Variants in RBFOX1 observed in about 807,000 individuals in gnomAD.
RBFOX1 encodes RNA binding protein fox-1 homolog 1.
A neutral mutation model predicts 57.7 loss-of-function variants in RBFOX1; 8 were observed. That is an observed-to-expected ratio of 0.14 (90% CI 0.08 to 0.25). The LOEUF (loss-of-function observed/expected upper bound fraction) is 0.25. RBFOX1 is among the 10% of genes least tolerant of loss of function. RBFOX1 has a pLI of 1.00. For missense variants in RBFOX1, 611 were observed against 548.5 expected (o/e 1.11, Z -1.14); for synonymous variants, 326 against 222.4 (o/e 1.47, Z -4.15).
chr16:6,519,218 C>G (rs1323410983), intron 2 of RBFOX1, among the ~76,000 whole-genome samples: 1 of 152,108 alleles, frequency 6.6e-6, no homozygotes, highest in Non-Finnish European at 1.5e-5. Context: ...CCTGCCCTGC[C>G]TACCACACTG....
At chr16:6,606,753 A>G (rs1171538129) in intron 2 of RBFOX1, among the ~76,000 whole-genome samples, 3 of 152,122 alleles carry the variant, frequency 2.0e-5, no homozygotes, top group Non-Finnish European at 4.4e-5. Flanking sequence ...TATCTGGTCT[A>G]TCATTGATGG....
rs1367670602 is a variant in RBFOX1, at chr16:7,504,740, TA to T, written c.28-13406del. Among the ~76,000 whole-genome samples the T allele has an allele frequency of 3.5e-3, 45 of 12,988 alleles. 1 individual carries two copies. Among genetic ancestry groups the T allele is most frequent in the African/African-American group, 9.9e-3 (37 of 3,736 alleles). The allele number at this position is 12,988 out of a possible 152,430, so 8.5% of individuals were successfully genotyped here. ...ATATATATATATATATATATATATA[TA>T]TATATATATATATTTATATATATAT... is the stretch of plus-strand genomic sequence containing the variant. On this transcript the variant is annotated intron_variant, in intron 4 of 15. Transcript: ENST00000550418.
intron 3 of RBFOX1, among the ~76,000 whole-genome samples, chr16:5,671,973 AT>A (rs1251449090): frequency 6.6e-6 from 1 of 152,216 alleles, no homozygotes; most frequent in Non-Finnish European, 1.5e-5. Flanking sequence ...GTGATGAAGA[AT>A]AAAAGCCTGT....
chr16:6,911,792 T>A (rs899274257), intron 3 of RBFOX1, among the ~76,000 whole-genome samples: 1 of 152,198 alleles, frequency 6.6e-6, no homozygotes, highest in African/African-American at 2.4e-5. Flanking sequence ...ATAGAAGAGA[T>A]CTATTTTTTC....
chr16:5,491,369 T>A (rs944619858), intron 2 of RBFOX1, among the ~76,000 whole-genome samples: 7 of 152,160 alleles, frequency 4.6e-5, no homozygotes, highest in Admixed American at 1.3e-4. Context: ...GTTTGGAAAT[T>A]CCTATCAATG....
chr16:7,440,265 A>G (rs1210575687), intron 4 of RBFOX1, among the ~76,000 whole-genome samples: 4 of 152,136 alleles, frequency 2.6e-5, no homozygotes, highest in Non-Finnish European at 4.4e-5. Flanking sequence ...AACAGCAGAG[A>G]GTTTGTTATC....
chr16:5,682,502 G>T (rs2050372247), intron 3 of RBFOX1, among the ~76,000 whole-genome samples: 2 of 152,202 alleles, frequency 1.3e-5, no homozygotes, highest in African/African-American at 4.8e-5. Context: ...ATTACTTTCG[G>T]TGGAAGAGAT....
At chr16:5,943,963 C>T (rs958146556) in intron 4 of RBFOX1, among the ~76,000 whole-genome samples, 1 of 146,868 alleles carries the variant, frequency 6.8e-6, no homozygotes, top group Non-Finnish European at 1.5e-5. Flanking sequence ...ATCCATCCAT[C>T]CACCCCCCCA....
At position 6,130,777 on chromosome 16, in the gene RBFOX1, A is replaced by G. The variant is rs116768827; in HGVS notation, c.-127+110785A>G. Among the ~76,000 whole-genome samples the G allele has an allele frequency of 5.8e-3, 883 of 152,266 alleles. 9 individuals carry two copies. The highest frequency in any genetic ancestry group is 0.02 in the African/African-American group (825 of 41,568). On this transcript the variant is annotated intron_variant, in intron 1 of 15. Transcript: ENST00000550418. ...GGAAGAAGTATTAGCAAAGTGGAAA[A>G]GAGACATTTCAGAATGATCAAATGG... is the stretch of plus-strand genomic sequence containing the variant.
intron 4 of RBFOX1, among the ~76,000 whole-genome samples, chr16:7,462,510 CAAAA>C (rs1195664061): frequency 2.6e-5 from 4 of 152,116 alleles, no homozygotes; most frequent in Non-Finnish European, 5.9e-5. Context: ...ACAAAACAAA[CAAAA>C]AAACCCGCCA....
In RBFOX1 at chr16:6,911,202, CAAA is replaced by C. The variant is rs34017800; in HGVS notation, c.-15-140841_-15-140839del. ...GGGCAACAAGAGTAAAATTGTGTCT[CAAA>C]AAAAAAAAAAAAAGCAAACTGAAGA... On this transcript the variant is annotated intron_variant, in intron 3 of 15. Coordinates refer to ENST00000550418, the MANE Select transcript of RBFOX1 (RefSeq NM_018723.4). Among the ~76,000 whole-genome samples the C allele has an allele frequency of 1.8e-3, 248 of 138,692 alleles. 1 individual carries two copies. The highest frequency in any genetic ancestry group is 2.3e-3 in the East Asian group (11 of 4,822). 91.0% of individuals were successfully genotyped at this position (138,692 alleles called of 152,430 possible).
chr16:6,785,920 C>A (rs569844454), intron 3 of RBFOX1, among the ~76,000 whole-genome samples: 2 of 152,326 alleles, frequency 1.3e-5, no homozygotes, highest in South Asian at 4.1e-4. Context: ...GGCACTGTGA[C>A]TGAGGAACCT....
chr16:7,227,791 C>G (rs1311986609), intron 4 of RBFOX1, among the ~76,000 whole-genome samples: 7 of 152,206 alleles, frequency 4.6e-5, no homozygotes, highest in African/African-American at 1.2e-4. Context: ...ACACAGGAAA[C>G]TCCTACCTCA....
At chr16:7,219,151 TGTTAATTCACCCC>T (rs2092519377) in intron 4 of RBFOX1, among the ~76,000 whole-genome samples, 1 of 152,162 alleles carries the variant, frequency 6.6e-6, no homozygotes, top group Admixed American at 6.6e-5. Flanking sequence ...GGAGTAGCCT[TGTTAATTCACCCC>T]CATGAAAATG....
intron 2 of RBFOX1, among the ~76,000 whole-genome samples, chr16:6,370,796 C>G (rs1424839021): frequency 7.9e-5 from 12 of 152,170 alleles, no homozygotes; most frequent in Non-Finnish European, 1.0e-4. Context: ...CTTAATGCCA[C>G]TTAATTGAAT....
intron 3 of RBFOX1, among the ~76,000 whole-genome samples, chr16:6,925,531 G>T (rs764690992): frequency 6.6e-6 from 1 of 151,652 alleles, no homozygotes; most frequent in Non-Finnish European, 1.5e-5. Context: ...GGGGGGGCAG[G>T]GATTTTGATC....
At chr16:7,244,247 CAAAAAAA>C (rs60054791) in intron 4 of RBFOX1, among the ~76,000 whole-genome samples, 24 of 99,226 alleles carry the variant, frequency 2.4e-4, no homozygotes, top group Non-Finnish European at 4.4e-4. Flanking sequence ...CAAAGTATTC[CAAAAAAA>C]AAAAAAAAAA....
intron 3 of RBFOX1, among the ~76,000 whole-genome samples, chr16:6,904,350 C>G (rs1175499703): frequency 6.6e-6 from 1 of 151,920 alleles, no homozygotes; most frequent in Non-Finnish European, 1.5e-5. Context: ...CCTGTAATCC[C>G]AGCACCTTGG....
At chr16:6,965,450 C>T (rs559486183) in intron 3 of RBFOX1, among the ~76,000 whole-genome samples, 6 of 151,780 alleles carry the variant, frequency 4.0e-5, no homozygotes, top group Admixed American at 2.6e-4. Context: ...GATTCTTCTG[C>T]CTAAACCTCC....
Sources: allele counts gnomAD v4.1 joint callset (sites outside exome capture counted in the v4.1 genomes callset), GRCh38; gene constraint gnomAD v4.1.1; transcripts MANE v1.5; gene names NCBI Gene and HGNC (gene_info 2026-07-23, HGNC 2026-07-21).